Variants in ROBO2 observed in about 807,000 individuals in gnomAD.
ROBO2 encodes roundabout guidance receptor 2.
ROBO2 carries 53 observed loss-of-function variants against 160.8 expected under a neutral mutation model. The ratio of observed to expected loss-of-function variants is 0.33; its 90% CI spans 0.26 to 0.41. The LOEUF is 0.41. ROBO2 is among the 10% of genes least tolerant of loss of function. The pLI is 1.00. For synonymous variants in ROBO2, 664 were observed against 611.7 expected (o/e 1.09, Z -1.26); for missense variants, 1,577 against 1,722.4 (o/e 0.92, Z 1.49).
chr3:77,014,741 G>A (rs1466579469), intron 2 of ROBO2, among the ~76,000 whole-genome samples: 3 of 152,052 alleles, frequency 2.0e-5, no homozygotes, highest in Non-Finnish European at 4.4e-5. Flanking sequence ...TATTATCAGA[G>A]GGAAGAAAAG....
At chr3:77,421,568 A>T (rs2077716155) in intron 2 of ROBO2, among the ~76,000 whole-genome samples, 1 of 152,128 alleles carries the variant, frequency 6.6e-6, no homozygotes, top group Admixed American at 6.6e-5. Context: ...TTGTTGAATA[A>T]TTTCAGGAAA....
At chr3:77,451,017 G>A (rs182107444) in intron 2 of ROBO2, among the ~76,000 whole-genome samples, 95 of 152,102 alleles carry the variant, frequency 6.2e-4, no homozygotes, top group African/African-American at 1.9e-3. Flanking sequence ...ATATTCATCC[G>A]TCAGTTTCAG....
At chr3:77,078,459 C>T (rs1340222167) in intron 1 of ROBO2, among the ~76,000 whole-genome samples, 2 of 152,162 alleles carry the variant, frequency 1.3e-5, no homozygotes, top group Non-Finnish European at 2.9e-5. Context: ...AGTTACACAA[C>T]CCCTGAGACT....
At chr3:76,757,871 TTATC>T (rs1293016057) in intron 2 of ROBO2, among the ~76,000 whole-genome samples, 1 of 151,638 alleles carries the variant, frequency 6.6e-6, no homozygotes, top group Admixed American at 6.6e-5. Flanking sequence ...TTTCATCTCT[TTATC>T]TAGTAAGGAT....
chr3:76,225,161 C>T (rs759541283), intron 2 of ROBO2, among the ~76,000 whole-genome samples: 9 of 152,064 alleles, frequency 5.9e-5, no homozygotes, highest in Non-Finnish European at 1.0e-4. Context: ...GGAACACTCA[C>T]TGAGGGTCTA....
chr3:76,458,729 A>C (rs538381408), intron 2 of ROBO2, among the ~76,000 whole-genome samples: 1 of 152,270 alleles, frequency 6.6e-6, no homozygotes, highest in South Asian at 2.1e-4. Context: ...CAGAATCATG[A>C]TAGGAGGGAA....
chr3:77,632,745 A>C (rs1269183863), intron 23 of ROBO2: 2 of 1,194,604 alleles, frequency 1.7e-6, no homozygotes, highest in African/African-American at 3.1e-5. Flanking sequence ...CTCCTTAGTG[A>C]GTCTGACTGT....
intron 2 of ROBO2, among the ~76,000 whole-genome samples, chr3:77,343,001 G>C (rs989087670): frequency 6.6e-6 from 1 of 151,680 alleles, no homozygotes; most frequent in Non-Finnish European, 1.5e-5. Flanking sequence ...TGTCTTCCTG[G>C]CTTGCAGATA....
At chr3:77,091,407 C>G (rs1163047266) in intron 1 of ROBO2, among the ~76,000 whole-genome samples, 1 of 152,072 alleles carries the variant, frequency 6.6e-6, no homozygotes, top group Admixed American at 6.5e-5. Flanking sequence ...TGCTAATATA[C>G]CACTCAACGT....
At chr3:76,343,097 A>G (rs1301378633) in intron 2 of ROBO2, among the ~76,000 whole-genome samples, 2 of 151,494 alleles carry the variant, frequency 1.3e-5, no homozygotes, top group African/African-American at 4.8e-5. Context: ...ATTACCAGAA[A>G]CTCTTCTCTA....
At chr3:77,540,071 C>T (rs1458761385) in intron 6 of ROBO2, among the ~76,000 whole-genome samples, 1 of 152,126 alleles carries the variant, frequency 6.6e-6, no homozygotes, top group Non-Finnish European at 1.5e-5. Flanking sequence ...AATTTGCAAG[C>T]ATTGCTATGG....
intron 1 of ROBO2, among the ~76,000 whole-genome samples, chr3:77,086,191 A>G (rs1157178250): frequency 6.6e-6 from 1 of 151,934 alleles, no homozygotes; most frequent in Non-Finnish European, 1.5e-5. Context: ...GGGGTTACAG[A>G]CTCCTTTGAG....
At chr3:77,153,608 G>A (rs923241068) in intron 2 of ROBO2, among the ~76,000 whole-genome samples, 2 of 152,060 alleles carry the variant, frequency 1.3e-5, no homozygotes, top group African/African-American at 4.8e-5. Flanking sequence ...AATAATGAGA[G>A]GAAGCCAGAC....
intron 2 of ROBO2, among the ~76,000 whole-genome samples, chr3:76,105,576 T>A (rs1196937187): frequency 1.3e-5 from 2 of 152,140 alleles, no homozygotes; most frequent in Non-Finnish European, 2.9e-5. Context: ...AATGGAAAGG[T>A]TGACTAAGAA....
intron 2 of ROBO2, among the ~76,000 whole-genome samples, chr3:76,291,607 G>A (rs568724446): frequency 3.3e-5 from 5 of 152,154 alleles, no homozygotes; most frequent in South Asian, 4.2e-4. Flanking sequence ...TTCTAGAGGC[G>A]ATGTTAGGTT....
intron 2 of ROBO2, among the ~76,000 whole-genome samples, chr3:76,951,098 A>G (rs1272124681): frequency 6.6e-6 from 1 of 152,180 alleles, no homozygotes; most frequent in African/African-American, 2.4e-5. Context: ...CTTTCATAAT[A>G]CAATTTTCAT....
chr3:76,785,304 G>A (rs2062901241), intron 2 of ROBO2, among the ~76,000 whole-genome samples: 1 of 151,104 alleles, frequency 6.6e-6, no homozygotes, highest in South Asian at 2.1e-4. Context: ...TTAATTGTTT[G>A]TATTCTGGGA....
chr3:76,406,471 T>A (rs1030740778), intron 2 of ROBO2, among the ~76,000 whole-genome samples: 13 of 151,810 alleles, frequency 8.6e-5, no homozygotes, highest in African/African-American at 3.1e-4. Flanking sequence ...TATTCCATTT[T>A]TTTTCCCTTA....
intron 2 of ROBO2, among the ~76,000 whole-genome samples, chr3:76,253,802 C>T (rs1309377128): frequency 6.6e-6 from 1 of 151,394 alleles, no homozygotes; most frequent in Non-Finnish European, 1.5e-5. Flanking sequence ...AGAAATCTCT[C>T]TTGGTGTGAA....
Sources: gnomAD v4.1 joint callset for allele counts (sites outside exome capture counted in the v4.1 genomes callset) on GRCh38, gnomAD v4.1.1 for gene constraint, MANE v1.5 for transcripts, NCBI Gene and HGNC (gene_info 2026-07-23, HGNC 2026-07-21) for gene names.